Variants in KIRREL3 observed in about 807,000 individuals in gnomAD.
KIRREL3 encodes the protein kirre like nephrin family adhesion molecule 3.
KIRREL3 carries 36 observed loss-of-function variants against 89.7 expected under a neutral mutation model. That is an observed-to-expected ratio of 0.40 (90% CI 0.31 to 0.53). The LOEUF (loss-of-function observed/expected upper bound fraction) is 0.53, where lower values mean the gene tolerates loss of function less well. Among genes scored for constraint, KIRREL3 ranks in the 20% least tolerant of loss-of-function variants. KIRREL3 has a pLI of 0.49. For synonymous variants in KIRREL3, 445 were observed against 441.4 expected (o/e 1.01, Z -0.10); for missense variants, 864 against 1,056.6 (o/e 0.82, Z 2.53).
At chr11:126,509,871 T>A (rs1478581464) in intron 4 of KIRREL3, among the ~76,000 whole-genome samples, 2 of 151,130 alleles carry the variant, frequency 1.3e-5, no homozygotes, top group Non-Finnish European at 3.0e-5. Flanking sequence ...GTGGTGCACA[T>A]CTGTAATCCC....
intron 1 of KIRREL3, among the ~76,000 whole-genome samples, chr11:126,875,285 C>T (rs1945242964): frequency 6.6e-6 from 1 of 152,070 alleles, no homozygotes; most frequent in Non-Finnish European, 1.5e-5. Flanking sequence ...GAAGAGACCC[C>T]CCAGAAACCA....
chr11:126,488,884 G>A (rs750424088), intron 4 of KIRREL3, among the ~76,000 whole-genome samples: 6 of 152,136 alleles, frequency 3.9e-5, no homozygotes, highest in Admixed American at 6.5e-5. Flanking sequence ...GCCTTACCCC[G>A]TGCCCGTCTC....
Position 127,000,613 on chromosome 11 carries a change from G to A in KIRREL3, c.-104C>T. The A allele has an allele frequency of 1.6e-6, 2 of 1,222,140 alleles. No individual in the cohort carries two copies. Among genetic ancestry groups the A allele is most frequent in the Admixed American group, 2.2e-5 (1 of 46,450 alleles). The allele number at this position is 1,222,140 out of a possible 1,614,324, so 75.7% of individuals were successfully genotyped here. ...AGCCTCCGCCGGTCCTCTCGGGTTC[G>A]CGCCTACCATCTGTCCGTCCGTGGG... On this transcript the variant is annotated 5_prime_UTR_variant, in exon 1 of 17. Coordinates refer to ENST00000525144, the MANE Select transcript of KIRREL3 (RefSeq NM_032531.4). This position sits in a 1 kb window ranked among gnomAD's most constrained non-coding sequence, Gnocchi z 7.1.
intron 13 of KIRREL3, among the ~76,000 whole-genome samples, chr11:126,434,848 TCCTGGGAAGCAGTGGC>T (rs1467426451): frequency 6.6e-6 from 1 of 151,964 alleles, no homozygotes; most frequent in Non-Finnish European, 1.5e-5. Flanking sequence ...GCCCCCGGTG[TCCTGGGAAGCAGTGGC>T]CAAGCTGGTG....
At chr11:126,675,147 A>T (rs1946131513) in intron 1 of KIRREL3, among the ~76,000 whole-genome samples, 1 of 152,182 alleles carries the variant, frequency 6.6e-6, no homozygotes, top group Non-Finnish European at 1.5e-5. Flanking sequence ...TGCTGGTTTC[A>T]TTTATCTCTT....
intron 1 of KIRREL3, among the ~76,000 whole-genome samples, chr11:126,847,929 C>A (rs1944203761): frequency 6.6e-6 from 1 of 152,190 alleles, no homozygotes; most frequent in Non-Finnish European, 1.5e-5. Context: ...ATTGGAGAAA[C>A]TGGTTATTTT....
chr11:126,798,331 C>T (rs1950878792), intron 1 of KIRREL3, among the ~76,000 whole-genome samples: 1 of 151,426 alleles, frequency 6.6e-6, no homozygotes. Flanking sequence ...GGGTTCCTAA[C>T]CTGCTGGCTG....
Position 126,687,199 on chromosome 11 carries a change from C to T in KIRREL3, c.56-124287G>A, listed in dbSNP as rs891884029. 1.9e-4 allele frequency among the ~76,000 whole-genome samples: 29 copies of T among 152,324 alleles called. No individual in the cohort carries two copies. The highest frequency in any genetic ancestry group is 3.4e-3 in the Middle Eastern group (1 of 294). On this transcript the variant is annotated intron_variant, in intron 1 of 16. Transcript: ENST00000525144. This position sits in a 1 kb window ranked among gnomAD's most constrained non-coding sequence, Gnocchi z 4.6. The stretch of plus-strand genomic sequence containing the variant: ...ACACTGTCATCAAACGTGCTGAGCC[C>T]TGCCTTGCGCCAGGCAGTGAGCTAG...
rs373271645 is a variant in KIRREL3 at position 126,903,968 on chromosome 11, G to A, written c.55+96487C>T. Among the ~76,000 whole-genome samples the A allele has an allele frequency of 1.9e-3, 290 of 152,254 alleles. 8 individuals are homozygous for A. The South Asian group carries it at 0.058, about 30-fold the overall frequency. On this transcript the variant is annotated intron_variant, in intron 1 of 16. Transcript: ENST00000525144. This position sits in a 1 kb window ranked among gnomAD's most constrained non-coding sequence, Gnocchi z 4.5. ...CTGGAACAGAACCAGTTCTTTACAA[G>A]GTGACCCTATAATAGCTATCCCCTT...
In KIRREL3 at chr11:126,565,635, A is replaced by T. The variant is rs1277943252; in HGVS notation, c.56-2723T>A. On this transcript the variant is annotated intron_variant, in intron 1 of 16. Transcript: ENST00000525144. The surrounding 1 kb of genome is among the most constrained non-coding windows in gnomAD (Gnocchi z 5.4). ...GCAAGAACGAGCAGGTTGGAGGATG[A>T]GTGAAGTGAGAATTAGTTAATTGTC... 1.3e-5 allele frequency among the ~76,000 whole-genome samples: 2 copies of T among 152,146 alleles called. No homozygotes were observed. Among genetic ancestry groups the T allele is most frequent in the Non-Finnish European group, 2.9e-5 (2 of 68,038 alleles).
Position 126,489,397 on chromosome 11 carries a change from G to A in KIRREL3, c.434-15931C>T, listed in dbSNP as rs2134331160. Reference sequence around the variant, plus strand: ...AGACGCCTGCATCAGGTGGGAGTTAGGTGGGGAAAACAAAGCTTCCAGAGG... The same window carrying A: ...AGACGCCTGCATCAGGTGGGAGTTAAGTGGGGAAAACAAAGCTTCCAGAGG... On this transcript the variant is annotated intron_variant, in intron 4 of 16. Transcript: ENST00000525144. The surrounding 1 kb of genome is among the most constrained non-coding windows in gnomAD (Gnocchi z 5.5). Among the ~76,000 whole-genome samples, 1 of 152,298 alleles carries A rather than the reference G, an allele frequency of 6.6e-6. No individual in the cohort carries two copies. Among genetic ancestry groups the A allele is most frequent in the South Asian group, 2.1e-4 (1 of 4,832 alleles).
Position 126,572,610 on chromosome 11 carries a change from C to G in KIRREL3, c.56-9698G>C, listed in dbSNP as rs554034562. On this transcript the variant is annotated intron_variant, in intron 1 of 16. Transcript: ENST00000525144. ...CAAGCAGGTGCTGCTGATGGAGTCACAGGCATCACTGTCAGGTGGTCAGGA... is the reference window on the plus strand; with the variant it reads ...CAAGCAGGTGCTGCTGATGGAGTCAGAGGCATCACTGTCAGGTGGTCAGGA... 6.6e-5 allele frequency among the ~76,000 whole-genome samples: 10 copies of G among 152,026 alleles called. No individual in the cohort carries two copies. The South Asian group carries it at 2.1e-3, about 32-fold the overall frequency.
intron 4 of KIRREL3, among the ~76,000 whole-genome samples, chr11:126,478,228 G>A (rs922608551): frequency 2.0e-5 from 3 of 152,158 alleles, no homozygotes; most frequent in Non-Finnish European, 4.4e-5. Flanking sequence ...CGTCAATGAA[G>A]GTGCAGCTTC....
At chr11:126,886,458 G>A (rs1427096393) in intron 1 of KIRREL3, among the ~76,000 whole-genome samples, 1 of 152,084 alleles carries the variant, frequency 6.6e-6, no homozygotes, top group Non-Finnish European at 1.5e-5. Flanking sequence ...CTTCTTGTCT[G>A]GGTTAACTTT....
chr11:126,688,708 G>A (rs1402779370), intron 1 of KIRREL3, among the ~76,000 whole-genome samples: 1 of 152,106 alleles, frequency 6.6e-6, no homozygotes, highest in Non-Finnish European at 1.5e-5. Context: ...CTGTAAGGTG[G>A]GGGCAGTGTG....
At chr11:126,534,599 C>G (rs1463943938) in intron 2 of KIRREL3, among the ~76,000 whole-genome samples, 1 of 152,202 alleles carries the variant, frequency 6.6e-6, no homozygotes, top group East Asian at 1.9e-4. Flanking sequence ...CTGTGCGTCT[C>G]CCCTGCACAC....
chr11:126,592,388 T>C (rs1300906754), intron 1 of KIRREL3, among the ~76,000 whole-genome samples: 1 of 152,160 alleles, frequency 6.6e-6, no homozygotes, highest in East Asian at 1.9e-4. Context: ...GTTCCCTTTA[T>C]ATGGAGGAGA....
chr11:126,841,898 C>G (rs1487758292), intron 1 of KIRREL3, among the ~76,000 whole-genome samples: 1 of 152,168 alleles, frequency 6.6e-6, no homozygotes, highest in East Asian at 1.9e-4. Context: ...CTTCATACAT[C>G]GTCAAGGTGG....
intron 1 of KIRREL3, among the ~76,000 whole-genome samples, chr11:126,967,041 G>A (rs1949293235): frequency 6.6e-6 from 1 of 152,086 alleles, no homozygotes; most frequent in Non-Finnish European, 1.5e-5. Flanking sequence ...TTCTCTGTAA[G>A]CCCAGAGAGC....
Sources: gnomAD v4.1 joint callset for allele counts (sites outside exome capture counted in the v4.1 genomes callset) on GRCh38, gnomAD v4.1.1 for gene constraint, Gnocchi (gnomAD v3.1) non-coding constraint, MANE v1.5 for transcripts, NCBI Gene and HGNC (gene_info 2026-07-23, HGNC 2026-07-21) for gene names.